EFCAB6: variants seen among roughly 807,000 people sequenced by gnomAD.
EFCAB6 encodes the protein EF-hand calcium binding domain 6.
EFCAB6 carries 156 observed loss-of-function variants against 169.8 expected under a neutral mutation model. That is an observed-to-expected ratio of 0.92 (90% CI 0.81 to 1.05). The LOEUF is 1.05. Among genes scored for constraint, EFCAB6 ranks in the 50% least tolerant of loss-of-function variants. The pLI is 0.00. For synonymous variants in EFCAB6, 698 were observed against 676.4 expected, an observed-to-expected ratio of 1.03 and a Z score of -0.50; for missense variants, 1,800 against 1,829.1, an observed-to-expected ratio of 0.98 and a Z score of 0.29.
intron 27 of EFCAB6, chr22:43,551,839 T>C (rs2048399425): frequency 6.6e-6 from 1 of 151,942 alleles, no homozygotes; most frequent in Non-Finnish European, 1.5e-5. Flanking sequence ...TTTTTTTTTT[T>C]TTTTTTGAGA....
At chr22:43,660,576 T>C (rs1386576091) in intron 17 of EFCAB6, among the ~76,000 whole-genome samples, 2 of 151,430 alleles carry the variant, frequency 1.3e-5, no homozygotes, top group Non-Finnish European at 2.9e-5. Flanking sequence ...TATATATATA[T>C]TTTTTCCAAC....
At chr22:43,554,743 C>CA (rs2048596737) in intron 27 of EFCAB6, 126 bp downstream of exon 27, 1 of 821,928 alleles carries the variant, frequency 1.2e-6, no homozygotes, top group African/African-American at 1.7e-5. Flanking sequence ...GATTGAAAAA[C>CA]AAAATAACAA....
At chr22:43,722,985 T>C (rs1203389332) in intron 8 of EFCAB6, among the ~76,000 whole-genome samples, 1 of 152,212 alleles carries the variant, frequency 6.6e-6, no homozygotes, top group African/African-American at 2.4e-5. Flanking sequence ...TTCTCTCTTA[T>C]AAGTGGGAGG....
chr22:43,706,225 AC>A lies in EFCAB6; in HGVS notation c.1031+5249del, dbSNP rs544583418. On this transcript the variant is annotated intron_variant, in intron 10 of 31. Coordinates refer to ENST00000262726, the MANE Select transcript of EFCAB6 (RefSeq NM_022785.4). ...CTTCTGCCAGGCCCCAGAACATACC[AC>A]GTGGGGCAGTCCTTGGAGCCAGGGG... Among the ~76,000 whole-genome samples, 24 of 152,264 alleles carry A rather than the reference AC, an allele frequency of 1.6e-4. No individual in the cohort carries two copies. In the East Asian group the frequency reaches 4.6e-3, roughly 29 times the overall value.
At chr22:43,811,180 C>G (rs1406842642) in intron 1 of EFCAB6, among the ~76,000 whole-genome samples, 1 of 151,308 alleles carries the variant, frequency 6.6e-6, no homozygotes, top group Non-Finnish European at 1.5e-5. Flanking sequence ...CTTGGGACAC[C>G]GAGGCACGAG....
intron 17 of EFCAB6, among the ~76,000 whole-genome samples, chr22:43,649,275 C>T (rs1053181508): frequency 2.0e-5 from 3 of 152,088 alleles, no homozygotes; most frequent in Admixed American, 6.5e-5. Context: ...AAGAACAAAT[C>T]GCAGTGGCAA....
At chr22:43,616,025 T>A in intron 20 of EFCAB6, 103 bp from the exon 21 acceptor site, 1 of 832,646 alleles carries the variant, frequency 1.2e-6, no homozygotes, top group Non-Finnish European at 1.8e-6. Context: ...AGGATACCAT[T>A]AAAGTCTGTT....
Position 43,537,649 on chromosome 22 carries a change from C to T in EFCAB6, c.3880-104G>A. On this transcript the variant is annotated intron_variant, in intron 28 of 31. Transcript: ENST00000262726. The surrounding 1 kb of genome is among the most constrained non-coding windows in gnomAD (Gnocchi z 4.3). ...GTTTTGAGGTTCACAATTTTAGAGGCAGAATTAGCCCAGAAATAAAATGAA... is the reference window on the plus strand; with the variant it reads ...GTTTTGAGGTTCACAATTTTAGAGGTAGAATTAGCCCAGAAATAAAATGAA... 7.9e-7 allele frequency: 1 copy of T among 1,258,316 alleles called. No individual in the cohort carries two copies. Among genetic ancestry groups the T allele is most frequent in the Non-Finnish European group, 1.1e-6 (1 of 933,924 alleles). The allele number at this position is 1,258,316 out of a possible 1,614,324, so 77.9% of individuals were successfully genotyped here.
intron 10 of EFCAB6, among the ~76,000 whole-genome samples, chr22:43,706,315 T>C (rs1469174861): frequency 6.6e-6 from 1 of 152,216 alleles, no homozygotes; most frequent in African/African-American, 2.4e-5. Context: ...TCTCACCTTT[T>C]CATAGAAGCC....
intron 21 of EFCAB6, among the ~76,000 whole-genome samples, chr22:43,611,949 G>A (rs761437049): frequency 2.6e-5 from 4 of 152,134 alleles, no homozygotes; most frequent in Non-Finnish European, 4.4e-5. Flanking sequence ...TATGGTACTG[G>A]TACAAAAACA....
intron 27 of EFCAB6, among the ~76,000 whole-genome samples, chr22:43,546,841 C>T (rs973815473): frequency 2.0e-5 from 3 of 151,094 alleles, no homozygotes; most frequent in Non-Finnish European, 2.9e-5. Flanking sequence ...CCATTGAACT[C>T]CAGCCTGGGT....
intron 2 of EFCAB6, among the ~76,000 whole-genome samples, chr22:43,799,288 C>T (rs909706575): frequency 1.3e-5 from 2 of 151,900 alleles, no homozygotes; most frequent in Admixed American, 1.3e-4. Flanking sequence ...TATGATCACA[C>T]TGCTGCACTC....
At chr22:43,594,750 CATCAAGTTAAACT>C (rs1214921117) in intron 23 of EFCAB6, among the ~76,000 whole-genome samples, 2 of 152,210 alleles carry the variant, frequency 1.3e-5, no homozygotes, top group African/African-American at 4.8e-5. Context: ...AACAAAGAAA[CATCAAGTTAAACT>C]ATGGTCTAGG....
At chr22:43,543,986 ACT>A (rs1712055523) in intron 27 of EFCAB6, among the ~76,000 whole-genome samples, 1 of 149,686 alleles carries the variant, frequency 6.7e-6, no homozygotes, top group Non-Finnish European at 1.5e-5. Context: ...TCCACCCACC[ACT>A]CTGTTTTACC....
intron 27 of EFCAB6, among the ~76,000 whole-genome samples, chr22:43,547,429 GA>G (rs1379513819): frequency 3.3e-5 from 5 of 152,126 alleles, no homozygotes; most frequent in Non-Finnish European, 7.4e-5. Flanking sequence ...CAATAGTGGG[GA>G]AAAAAGGAAT....
chr22:43,678,545 C>T (rs2057873798), intron 12 of EFCAB6, among the ~76,000 whole-genome samples: 1 of 152,138 alleles, frequency 6.6e-6, no homozygotes, highest in African/African-American at 2.4e-5. Context: ...GGTTCAACCA[C>T]ATGGGGCACA....
intron 2 of EFCAB6, among the ~76,000 whole-genome samples, chr22:43,784,588 T>C (rs2061973201): frequency 1.8e-5 from 1 of 55,030 alleles, no homozygotes; most frequent in South Asian, 6.2e-4. Context: ...TACACATATA[T>C]ATGTATATAT....
intron 17 of EFCAB6, among the ~76,000 whole-genome samples, chr22:43,664,624 C>T (rs1198592306): frequency 6.6e-6 from 1 of 152,172 alleles, no homozygotes; most frequent in Non-Finnish European, 1.5e-5. Context: ...AAGGGGAGAG[C>T]CATGCAGTTA....
At position 43,626,517 on chromosome 22, in the gene EFCAB6, A is replaced by C. The variant is rs777117913; in HGVS notation, c.2395T>G (p.Phe799Val). ...LGLRLSVTLN[F>V]REFQNLCEKR... ...TCACACAAATTTTGAAATTCCCGAA[A>C]ATTTAAAGTGACACTAAGTCTCAAG... Residue 799 changes from phenylalanine to valine, a missense_variant, in exon 20 of 32, where the codon TTT (phenylalanine) becomes GTT (valine). Transcript: ENST00000262726. 6.2e-7 allele frequency: 1 copy of C among 1,614,072 alleles called. No homozygotes were observed. The highest frequency in any genetic ancestry group is 1.1e-5 in the South Asian group (1 of 91,068).
Sources: gnomAD v4.1 joint callset for allele counts (sites outside exome capture counted in the v4.1 genomes callset) on GRCh38, gnomAD v4.1.1 for gene constraint, Gnocchi (gnomAD v3.1) non-coding constraint, MANE v1.5 for transcripts, NCBI Gene and HGNC (gene_info 2026-07-23, HGNC 2026-07-21) for gene names.